Variants in CSMD1 observed in about 807,000 individuals in gnomAD.
The protein encoded by CSMD1 is CUB and sushi domain-containing protein 1.
A neutral mutation model predicts 417.5 loss-of-function variants in CSMD1; 213 were observed. The observed-to-expected ratio is 0.51, with a 90% CI of 0.46 to 0.57. The LOEUF (loss-of-function observed/expected upper bound fraction) is 0.57. Ranked by LOEUF, CSMD1 falls within the 20% of genes least tolerant of loss-of-function variation. The pLI is 0.00. For missense variants in CSMD1, 6,923 were observed against 4,529.7 expected (o/e 1.53, Z -15.17); for synonymous variants, 2,862 against 1,736.8 (o/e 1.65, Z -16.11).
chr8:4,061,654 A>C (rs929458666), intron 3 of CSMD1, among the ~76,000 whole-genome samples: 2 of 152,180 alleles, frequency 1.3e-5, no homozygotes. Context: ...GACTGTGTGG[A>C]AAGACTGTTT....
intron 3 of CSMD1, among the ~76,000 whole-genome samples, chr8:4,170,103 C>G (rs1797687441): frequency 6.6e-6 from 1 of 151,770 alleles, no homozygotes; most frequent in Admixed American, 6.5e-5. Flanking sequence ...ATATGTATCC[C>G]TAACCTGTTT....
chr8:4,420,914 T>A (rs1406075937), intron 2 of CSMD1, among the ~76,000 whole-genome samples: 1 of 152,162 alleles, frequency 6.6e-6, no homozygotes, highest in Non-Finnish European at 1.5e-5. Context: ...CCCTCCTCCC[T>A]CCCTGTCTTT....
intron 5 of CSMD1, among the ~76,000 whole-genome samples, chr8:3,893,753 A>G (rs2129128969): frequency 6.6e-6 from 1 of 152,204 alleles, no homozygotes; most frequent in Non-Finnish European, 1.5e-5. Flanking sequence ...TTTGTAATTG[A>G]GCTCATTCAA....
chr8:4,642,334 G>T (rs1803243703), intron 1 of CSMD1, among the ~76,000 whole-genome samples: 1 of 152,130 alleles, frequency 6.6e-6, no homozygotes, highest in Non-Finnish European at 1.5e-5. Flanking sequence ...TTAGAAAATG[G>T]CCCTGTGCCC....
intron 36 of CSMD1, among the ~76,000 whole-genome samples, chr8:3,187,655 A>T (rs1242565523): frequency 6.6e-6 from 1 of 152,020 alleles, no homozygotes; most frequent in Non-Finnish European, 1.5e-5. Flanking sequence ...ACACTTTTAG[A>T]TTGGTCTCCT....
At chr8:3,925,060 T>A (rs1206402013) in intron 5 of CSMD1, among the ~76,000 whole-genome samples, 1 of 152,216 alleles carries the variant, frequency 6.6e-6, no homozygotes, top group East Asian at 1.9e-4. Flanking sequence ...TCTCTGCATC[T>A]GTTCTATGGC....
At chr8:3,289,531 G>C (rs1158023982) in intron 25 of CSMD1, among the ~76,000 whole-genome samples, 1 of 147,382 alleles carries the variant, frequency 6.8e-6, no homozygotes, top group Non-Finnish European at 1.5e-5. Context: ...ACTGGTGTGA[G>C]ATGGTATCTC....
At chr8:3,874,887 G>A (rs1805709668) in intron 5 of CSMD1, among the ~76,000 whole-genome samples, 2 of 152,128 alleles carry the variant, frequency 1.3e-5, no homozygotes, top group African/African-American at 2.4e-5. Flanking sequence ...GATCCACTGC[G>A]ATGCTGCGCA....
chr8:3,504,414 T>C (rs1411946974), intron 10 of CSMD1, among the ~76,000 whole-genome samples: 1 of 152,204 alleles, frequency 6.6e-6, no homozygotes, highest in Non-Finnish European at 1.5e-5. Flanking sequence ...ATTTCTGGGA[T>C]TCAAGAATGC....
chr8:3,490,915 T>C (rs1402222218), intron 11 of CSMD1, among the ~76,000 whole-genome samples: 1 of 152,148 alleles, frequency 6.6e-6, no homozygotes, highest in Non-Finnish European at 1.5e-5. Flanking sequence ...AAAAGAGTCA[T>C]TATTTGGCAA....
intron 4 of CSMD1, among the ~76,000 whole-genome samples, chr8:4,012,820 C>A (rs1384077970): frequency 6.6e-6 from 1 of 152,146 alleles, no homozygotes; most frequent in Non-Finnish European, 1.5e-5. Context: ...TAACTCCATT[C>A]TTCCAGTGTT....
intron 40 of CSMD1, among the ~76,000 whole-genome samples, chr8:3,146,201 TAAGGCAGACAGA>T (rs1264012504): frequency 6.6e-6 from 1 of 152,118 alleles, no homozygotes; most frequent in East Asian, 1.9e-4. Flanking sequence ...GATAATGGGG[TAAGGCAGACAGA>T]AAGCTTCATT....
chr8:3,571,109 G>T (rs1799924660), intron 10 of CSMD1, among the ~76,000 whole-genome samples: 1 of 152,178 alleles, frequency 6.6e-6, no homozygotes, highest in Non-Finnish European at 1.5e-5. Flanking sequence ...ACTTACAGGT[G>T]GAAGATCATT....
intron 6 of CSMD1, among the ~76,000 whole-genome samples, chr8:3,715,614 C>G (rs951933419): frequency 6.6e-6 from 1 of 152,206 alleles, no homozygotes; most frequent in Admixed American, 6.5e-5. Context: ...ACAATCTGGA[C>G]TCACTGCAAC....
chr8:3,295,701 C>G (rs535719481), intron 25 of CSMD1, among the ~76,000 whole-genome samples: 1 of 152,102 alleles, frequency 6.6e-6, no homozygotes, highest in Non-Finnish European at 1.5e-5. Context: ...TATGTATTGC[C>G]CTTGTTTTAT....
intron 1 of CSMD1, among the ~76,000 whole-genome samples, chr8:4,667,168 T>C (rs1055091745): frequency 6.6e-6 from 1 of 152,216 alleles, no homozygotes; most frequent in East Asian, 1.9e-4. Context: ...CACATATATG[T>C]AGGCCTATTT....
intron 3 of CSMD1, among the ~76,000 whole-genome samples, chr8:4,205,469 G>A (rs1014138629): frequency 6.6e-6 from 1 of 152,082 alleles, no homozygotes; most frequent in African/African-American, 2.4e-5. Flanking sequence ...ACTTACAAAA[G>A]CAATTTAGTT....
intron 1 of CSMD1, among the ~76,000 whole-genome samples, chr8:4,766,465 G>C (rs1383626284): frequency 6.6e-6 from 1 of 152,170 alleles, no homozygotes; most frequent in African/African-American, 2.4e-5. Context: ...GCTTTACAAA[G>C]AAAAGAAGAG....
chr8:3,758,359 C>A (rs1266797289), intron 5 of CSMD1, among the ~76,000 whole-genome samples: 1 of 152,116 alleles, frequency 6.6e-6, no homozygotes, highest in Non-Finnish European at 1.5e-5. Context: ...TGAATTGTAC[C>A]CCGAAGTCGA....
Sources: gnomAD v4.1 joint callset for allele counts (sites outside exome capture counted in the v4.1 genomes callset) on GRCh38, gnomAD v4.1.1 for gene constraint, MANE v1.5 for transcripts, NCBI Gene and HGNC (gene_info 2026-07-23, HGNC 2026-07-21) for gene names.